DSCAM: variants seen among roughly 807,000 people sequenced by gnomAD.
The protein encoded by DSCAM is cell adhesion molecule DSCAM.
In DSCAM, 47 loss-of-function variants were observed where a neutral mutation model predicts 217.7. The observed-to-expected ratio is 0.22, with a 90% confidence interval of 0.17 to 0.28. The LOEUF (loss-of-function observed/expected upper bound fraction) is 0.28. Ranked by LOEUF, DSCAM falls within the 10% of genes least tolerant of loss-of-function variation. DSCAM has a pLI of 1.00. For missense variants in DSCAM, 2,080 were observed against 2,618.3 expected (o/e 0.79, Z 4.49); for synonymous variants, 1,056 against 1,015.3 (o/e 1.04, Z -0.76).
chr21:40,462,246 G>C (rs1196873454), intron 3 of DSCAM, among the ~76,000 whole-genome samples: 2 of 152,156 alleles, frequency 1.3e-5, no homozygotes, highest in African/African-American at 4.8e-5. Context: ...TTCTATTAGA[G>C]CCTGGTACAG....
intron 11 of DSCAM, among the ~76,000 whole-genome samples, chr21:40,195,992 T>G (rs969820249): frequency 1.3e-5 from 2 of 152,236 alleles, no homozygotes. Context: ...ACATTTTTTT[T>G]ATTATTCTAT....
chr21:40,092,185 C>T (rs62237593), intron 21 of DSCAM, among the ~76,000 whole-genome samples: 22,642 of 152,100 alleles, frequency 0.15, 1,799 homozygotes, highest in Non-Finnish European at 0.17. Flanking sequence ...TCATCAAACC[C>T]TCCATACTCC....
At chr21:40,427,445 C>A (rs375543098) in intron 3 of DSCAM, among the ~76,000 whole-genome samples, 7 of 152,248 alleles carry the variant, frequency 4.6e-5, no homozygotes, top group East Asian at 3.9e-4. Flanking sequence ...ATTACCAAAC[C>A]CCCTCCAATC....
intron 15 of DSCAM, among the ~76,000 whole-genome samples, chr21:40,169,219 C>T (rs1177769271): frequency 6.6e-6 from 1 of 151,976 alleles, no homozygotes; most frequent in African/African-American, 2.4e-5. Context: ...TTGAGGGAAG[C>T]CAGGTGAGGG....
intron 11 of DSCAM, among the ~76,000 whole-genome samples, chr21:40,219,850 A>T (rs2091275625): frequency 6.6e-6 from 1 of 152,216 alleles, no homozygotes; most frequent in Non-Finnish European, 1.5e-5. Flanking sequence ...ACAAATGCCA[A>T]CAGGTAGAAA....
At chr21:40,765,959 C>T (rs531296321) in intron 1 of DSCAM, among the ~76,000 whole-genome samples, 61 of 152,374 alleles carry the variant, frequency 4.0e-4, no homozygotes, top group African/African-American at 1.3e-3. Flanking sequence ...CATTTCCCCA[C>T]CCTGTGCAGC....
chr21:40,296,900 A>G (rs74589675), intron 9 of DSCAM, among the ~76,000 whole-genome samples: 6,132 of 151,782 alleles, frequency 0.04, 388 homozygotes, highest in African/African-American at 0.14. Context: ...ATTATCAAAT[A>G]TAAGTATTCA....
chr21:40,369,385 C>A, intron 3 of DSCAM, 140 bp from the exon 4 acceptor site: 5 of 384,508 alleles, frequency 1.3e-5, no homozygotes, highest in Non-Finnish European at 1.8e-5. Context: ...CGTGCGTCTG[C>A]GTGTGTGTGT....
chr21:40,598,523 G>C (rs1247361045), intron 3 of DSCAM, among the ~76,000 whole-genome samples: 1 of 19,460 alleles, frequency 5.1e-5, no homozygotes, highest in Non-Finnish European at 1.1e-4. Context: ...TTTTTTTTTT[G>C]AGATGGAGTC....
chr21:40,140,393 G>A (rs1422459037), intron 18 of DSCAM, among the ~76,000 whole-genome samples: 1 of 152,240 alleles, frequency 6.6e-6, no homozygotes, highest in East Asian at 1.9e-4. Flanking sequence ...AAGCTTTAAA[G>A]GTATGAAGCC....
rs1253329371 is a variant in DSCAM, at chr21:40,016,002, C to T, written c.5687-2616G>A. 6.6e-6 allele frequency among the ~76,000 whole-genome samples: 1 copy of T among 152,204 alleles called. No homozygotes were observed. Among genetic ancestry groups the T allele is most frequent in the Non-Finnish European group, 1.5e-5 (1 of 68,048 alleles). ...AGTACACTGGGATGAACCCAGGGAG[C>T]TGTTTCTGGCCACCTTGAGGTCTGA... is the stretch of plus-strand genomic sequence containing the variant. On this transcript the variant is annotated intron_variant, in intron 32 of 32. Coordinates refer to ENST00000400454, the MANE Select transcript of DSCAM (RefSeq NM_001389.5). This position sits in a 1 kb window ranked among gnomAD's most constrained non-coding sequence, Gnocchi z 4.3.
At chr21:40,538,195 C>T (rs1422164878) in intron 3 of DSCAM, among the ~76,000 whole-genome samples, 2 of 152,164 alleles carry the variant, frequency 1.3e-5, no homozygotes, top group East Asian at 1.9e-4. Context: ...CCCTTCTGCC[C>T]TCTCCACTCA....
chr21:40,777,477 C>T (rs573564624), intron 1 of DSCAM, among the ~76,000 whole-genome samples: 2 of 152,166 alleles, frequency 1.3e-5, no homozygotes, highest in African/African-American at 4.8e-5. Flanking sequence ...ATGCTTGCAT[C>T]ATGAAGGAGG....
At chr21:40,080,795 G>A (rs939461100) in intron 24 of DSCAM, among the ~76,000 whole-genome samples, 1 of 152,128 alleles carries the variant, frequency 6.6e-6, no homozygotes, top group Non-Finnish European at 1.5e-5. Flanking sequence ...ATGTACTCCT[G>A]GTCTCACAGT....
chr21:40,813,759 G>C lies in DSCAM; in HGVS notation c.43+32860C>G, dbSNP rs550474433. Among the ~76,000 whole-genome samples the C allele has an allele frequency of 1.2e-4, 18 of 150,186 alleles. No homozygotes were observed. The East Asian group carries it at 3.6e-3, about 30-fold the overall frequency. ...GCCTCCCCAGTTCAAGCAATTCTCT[G>C]CCTCAGCCTCCCGAGTAGCTGGGAT... is the stretch of plus-strand genomic sequence containing the variant. On this transcript the variant is annotated intron_variant, in intron 1 of 32. Transcript: ENST00000400454.
intron 3 of DSCAM, among the ~76,000 whole-genome samples, chr21:40,495,252 C>A (rs1371027352): frequency 6.6e-6 from 1 of 152,042 alleles, no homozygotes; most frequent in East Asian, 1.9e-4. Context: ...ACCCTGATAC[C>A]AAAGCCAGAC....
intron 1 of DSCAM, among the ~76,000 whole-genome samples, chr21:40,806,990 A>G (rs1467901481): frequency 6.6e-6 from 1 of 152,142 alleles, no homozygotes; most frequent in Non-Finnish European, 1.5e-5. Context: ...GGAAAACATT[A>G]GGAGAAATAC....
chr21:40,826,793 C>T lies in DSCAM; in HGVS notation c.43+19826G>A, dbSNP rs117515457. 1.0e-3 allele frequency among the ~76,000 whole-genome samples: 157 copies of T among 152,268 alleles called. 1 individual carries two copies. The highest frequency in any genetic ancestry group is 6.8e-3 in the Middle Eastern group (2 of 294). ...GGAGGAAAATCCAGAAGGCCTCCTT[C>T]AGAGAGTTTAAATGTTGAGATACCT... On this transcript the variant is annotated intron_variant, in intron 1 of 32. Transcript: ENST00000400454.
At chr21:40,367,070 A>G (rs1738085125) in intron 4 of DSCAM, among the ~76,000 whole-genome samples, 1 of 152,158 alleles carries the variant, frequency 6.6e-6, no homozygotes, top group South Asian at 2.1e-4. Context: ...GAGTACTTCC[A>G]CTATCTTCAA....
Sources: allele counts gnomAD v4.1 joint callset (sites outside exome capture counted in the v4.1 genomes callset), GRCh38; gene constraint gnomAD v4.1.1; non-coding constraint Gnocchi (gnomAD v3.1); transcripts MANE v1.5; gene names NCBI Gene and HGNC (gene_info 2026-07-23, HGNC 2026-07-21).